Variants in ZNF695 observed in about 807,000 individuals in gnomAD.
ZNF695 encodes zinc finger protein 695.
ZNF695 carries 11 observed loss-of-function variants against 11.2 expected under a neutral mutation model. That is an observed-to-expected ratio of 0.98 (90% CI 0.62 to 1.62). The LOEUF is 1.62. ZNF695 is among the 40% of genes most tolerant of loss of function. The pLI is 0.00. For missense variants in ZNF695, 559 were observed against 590.5 expected, an observed-to-expected ratio of 0.95 and a Z score of 0.55; for synonymous variants, 190 against 201.4, an observed-to-expected ratio of 0.94 and a Z score of 0.48.
chr1:246,954,564 T>G (rs1430137503), intron 5 of ZNF695, among the ~76,000 whole-genome samples: 2 of 152,212 alleles, frequency 1.3e-5, no homozygotes, highest in Non-Finnish European at 2.9e-5. Context: ...CACAAGATTC[T>G]GATTGTCTTG....
downstream of ZNF695, among the ~76,000 whole-genome samples, chr1:246,982,241 G>A (rs368543977): frequency 7.2e-5 from 10 of 138,268 alleles, no homozygotes; most frequent in African/African-American, 2.4e-4. Flanking sequence ...TTGCACTCCA[G>A]CCTGGGCAAA....
At chr1:246,954,292 C>T (rs1162620423) in intron 5 of ZNF695, among the ~76,000 whole-genome samples, 1 of 152,216 alleles carries the variant, frequency 6.6e-6, no homozygotes, top group Non-Finnish European at 1.5e-5. Context: ...ACACACTCCC[C>T]AAACATGTTG....
chr1:246,991,207 A>G (rs765362447), intron 3 of ZNF695, among the ~76,000 whole-genome samples: 5 of 152,180 alleles, frequency 3.3e-5, no homozygotes, highest in Admixed American at 6.5e-5. Flanking sequence ...CCTCTAAGAC[A>G]TTAGTCTAAG....
chr1:246,983,059 C>A (rs1190918646), downstream of ZNF695, among the ~76,000 whole-genome samples: 1 of 151,822 alleles, frequency 6.6e-6, no homozygotes, highest in African/African-American at 2.4e-5. Flanking sequence ...AAAAAATTAG[C>A]CGGGTGTGGT....
At position 246,987,653 on chromosome 1, in the gene ZNF695, T is replaced by G. The variant is rs1331988707; in HGVS notation, c.862A>C (p.Lys288Gln). The G allele has an allele frequency of 1.2e-6, 2 of 1,602,410 alleles. No individual in the cohort carries two copies. The highest frequency in any genetic ancestry group is 1.7e-5 in the Admixed American group (1 of 57,442). ...TATGGTTTCTCTCCAGTATGAATTT[T>G]CTTATGTTTAGTAAGAACTGAGCAC... Reference protein sequence around the residue: ...NLCSVLTKHKKIHTGEKPYKC... With the variant: ...NLCSVLTKHKQIHTGEKPYKC... The change falls in exon 4 of 4, where the codon AAA (lysine) becomes CAA (glutamine). Residue 288 changes from lysine (K) to glutamine (Q), a missense_variant. Lys to Gln is a moderately conservative substitution (Grantham distance 53). Transcript: ENST00000339986.
intron 4 of ZNF695, among the ~76,000 whole-genome samples, chr1:246,972,400 T>G (rs946330820): frequency 3.9e-5 from 6 of 152,332 alleles, no homozygotes; most frequent in African/African-American, 1.4e-4. Flanking sequence ...CTTTTAAGTT[T>G]CTGCGTTGTT....
chr1:246,987,437 CT>C lies in ZNF695; in HGVS notation c.1077del (p.Ala360ProfsTer8). ...GTCAGATGTGAGCTCTGGTTAAAGG[CT>C]TTTCCACATTCTTCACATCGGAAGG... The part of the protein sequence containing the change: ...EKTFRCEECG[K>X]AFNQSSHLTE... On this transcript the variant is annotated frameshift_variant, in exon 4 of 4. Transcript: ENST00000339986. LOFTEE classifies it low-confidence loss of function (END_TRUNC). 2 of 1,612,480 alleles carry C rather than the reference CT, an allele frequency of 1.2e-6. No individual in the cohort carries two copies. The highest frequency in any genetic ancestry group is 1.7e-6 in the Non-Finnish European group (2 of 1,179,144).
intron 5 of ZNF695, among the ~76,000 whole-genome samples, chr1:246,955,854 A>T (rs776585056): frequency 2.0e-5 from 3 of 152,178 alleles, no homozygotes; most frequent in Non-Finnish European, 4.4e-5. Flanking sequence ...TATGATGCTC[A>T]CAAGAACTCC....
At chr1:246,950,811 T>C (rs2102998221) in intron 5 of ZNF695, among the ~76,000 whole-genome samples, 1 of 152,332 alleles carries the variant, frequency 6.6e-6, no homozygotes, top group Admixed American at 6.5e-5. Flanking sequence ...CTCGGTTTCT[T>C]CATTTGTAAA....
chr1:246,998,601 G>A (rs1324130866), intron 3 of ZNF695, among the ~76,000 whole-genome samples: 3 of 152,140 alleles, frequency 2.0e-5, no homozygotes, highest in Admixed American at 6.6e-5. Context: ...GTGGTGTTCT[G>A]GGATTTCTTA....
chr1:247,004,221 A>G (rs932499308), intron 1 of ZNF695, among the ~76,000 whole-genome samples: 2 of 152,182 alleles, frequency 1.3e-5, no homozygotes, highest in Non-Finnish European at 2.9e-5. Context: ...AAAAAGAACA[A>G]CAACAAAAAA....
At chr1:246,955,670 C>T (rs1667977380) in intron 5 of ZNF695, among the ~76,000 whole-genome samples, 1 of 152,138 alleles carries the variant, frequency 6.6e-6, no homozygotes, top group South Asian at 2.1e-4. Context: ...AGATTTGTTT[C>T]AATCCTTTAG....
At chr1:247,002,035 T>C (rs972567841) in intron 1 of ZNF695, among the ~76,000 whole-genome samples, 1 of 152,110 alleles carries the variant, frequency 6.6e-6, no homozygotes, top group East Asian at 1.9e-4. Context: ...ACAATGCCCA[T>C]TCTTCTCACC....
At chr1:246,960,694 C>G (rs573963021) in intron 5 of ZNF695, among the ~76,000 whole-genome samples, 2 of 152,166 alleles carry the variant, frequency 1.3e-5, no homozygotes, top group Admixed American at 6.5e-5. Flanking sequence ...AATCCCAGCA[C>G]TTTGGGAGGC....
intron 5 of ZNF695, among the ~76,000 whole-genome samples, chr1:246,964,884 T>A (rs1428351387): frequency 3.3e-5 from 5 of 149,866 alleles, no homozygotes; most frequent in African/African-American, 7.3e-5. Flanking sequence ...CAAAAAAAAA[T>A]TTAATAAAAA....
At chr1:246,964,410 G>A (rs556996905) in intron 5 of ZNF695, among the ~76,000 whole-genome samples, 1 of 152,206 alleles carries the variant, frequency 6.6e-6, no homozygotes, top group Admixed American at 6.5e-5. Flanking sequence ...AAGTGATCAG[G>A]ATCTCTGTGT....
intron 5 of ZNF695, among the ~76,000 whole-genome samples, chr1:246,958,363 T>A (rs898036704): frequency 2.1e-4 from 32 of 152,038 alleles, no homozygotes; most frequent in Non-Finnish European, 1.5e-5. Context: ...CAGCCGGGAC[T>A]TGTCTTATGA....
chr1:246,959,311 ATATATATATATAT>A lies in ZNF695; in HGVS notation c.488+8371_488+8383del, dbSNP rs1315031547. ...AAAAAAAAAAAAAAAAAAAAAAAAA[ATATATATATATAT>A]ATATATATATATATATATATATATA... On this transcript the variant is annotated intron_variant, in intron 5 of 5. Coordinates refer to the ZNF695 transcript ENST00000487338. 3.0e-3 allele frequency among the ~76,000 whole-genome samples: 62 copies of A among 20,954 alleles called. 1 individual carries two copies. The highest frequency in any genetic ancestry group is 6.4e-3 in the African/African-American group (26 of 4,068). 13.7% of individuals were successfully genotyped at this position (20,954 alleles called of 152,430 possible). A position where few individuals can be genotyped will look rare whatever the true frequency, so the allele number is the denominator to read the frequency against.
At chr1:246,959,079 A>C (rs562129196) in intron 5 of ZNF695, among the ~76,000 whole-genome samples, 1 of 151,494 alleles carries the variant, frequency 6.6e-6, no homozygotes, top group Admixed American at 6.6e-5. Flanking sequence ...TGAGGCCAGG[A>C]GTTTCAGACA....
Sources: allele counts gnomAD v4.1 joint callset (sites outside exome capture counted in the v4.1 genomes callset), GRCh38; gene constraint gnomAD v4.1.1; transcripts MANE v1.5; gene names NCBI Gene and HGNC (gene_info 2026-07-23, HGNC 2026-07-21).